RAB26: variants seen among roughly 807,000 people sequenced by gnomAD.
The protein encoded by RAB26 is ras-related protein Rab-26.
RAB26 carries 39 observed loss-of-function variants against 33.1 expected under a neutral mutation model. That is an observed-to-expected ratio of 1.18 (90% CI 0.91 to 1.54). The LOEUF (loss-of-function observed/expected upper bound fraction) is 1.54, where lower values mean the gene tolerates loss of function less well. Ranked by LOEUF, RAB26 falls within the 40% of genes most tolerant of loss-of-function variation. RAB26 has a pLI of 0.00. For synonymous variants in RAB26, 192 were observed against 151.9 expected (o/e 1.26, Z -1.94); for missense variants, 468 against 362.9 (o/e 1.29, Z -2.35).
chr16:2,148,652 C>CGCT lies in RAB26; in HGVS notation c.-130_-129insTGC. The stretch of plus-strand genomic sequence containing the variant: ...GCGAGCCGGGCGCCCGGGATGATGC[C>CGCT]GCCGCCGCCGCCGCCGCCGCCGCCG... On this transcript the variant is annotated 5_prime_UTR_variant, in exon 1 of 9. Coordinates refer to ENST00000210187, the MANE Select transcript of RAB26 (RefSeq NM_014353.5). The CGCT allele has an allele frequency of 1.6e-6, 1 of 640,462 alleles. No homozygotes were observed. The highest frequency in any genetic ancestry group is 1.9e-6 in the Non-Finnish European group (1 of 513,062). 39.7% of individuals were successfully genotyped at this position (640,462 alleles called of 1,614,324 possible).
intron 1 of RAB26, among the ~76,000 whole-genome samples, 156 bp from the exon 2 acceptor site, chr16:2,149,785 C>A (rs997666635): frequency 2.6e-5 from 4 of 152,216 alleles, no homozygotes; most frequent in Non-Finnish European, 5.9e-5. Flanking sequence ...CTTTCAGAGG[C>A]ATACGCTGGG....
At position 2,148,652 on chromosome 16, in the gene RAB26, C is replaced by A; in HGVS notation, c.-132C>A. On this transcript the variant is annotated 5_prime_UTR_variant, in exon 1 of 9. Transcript: ENST00000210187. ...GCGAGCCGGGCGCCCGGGATGATGC[C>A]GCCGCCGCCGCCGCCGCCGCCGCCG... 1.6e-6 allele frequency: 1 copy of A among 640,462 alleles called. No homozygotes were observed. 39.7% of individuals were successfully genotyped at this position (640,462 alleles called of 1,614,324 possible). A position where few individuals can be genotyped will look rare whatever the true frequency, so the allele number is the denominator to read the frequency against.
chr16:2,152,529 G>C (rs987340515), intron 5 of RAB26, among the ~76,000 whole-genome samples: 2 of 151,742 alleles, frequency 1.3e-5, no homozygotes, highest in African/African-American at 4.8e-5. Context: ...AAATTAGCTG[G>C]GCGTGGTGGT....
rs954148472 is a variant in RAB26 at position 2,148,963 on chromosome 16, C to T, written c.180C>T (p.Tyr60=). 7.0e-6 allele frequency: 9 copies of T among 1,279,150 alleles called. No homozygotes were observed. The African/African-American group carries it at 1.4e-4, about 20-fold the overall frequency. The allele number at this position is 1,279,150 out of a possible 1,614,324, so 79.2% of individuals were successfully genotyped here. A position where few individuals can be genotyped will look rare whatever the true frequency, so the allele number is the denominator to read the frequency against. The change falls in exon 1 of 9, where the codon TAC becomes TAT. Residue 60 remains tyrosine (Y), a synonymous_variant. Coordinates refer to ENST00000210187, the MANE Select transcript of RAB26 (RefSeq NM_014353.5). ...CGCTTGGCGGCGGTGTCGACTTCTA[C>T]GACGTCGCCTTCAAGGTGAGCCAGG... is the stretch of plus-strand genomic sequence containing the variant. ...RPSLGGGVDF[Y]DVAFKVMLVG... is the part of the protein sequence containing the mutation.
Position 2,151,610 on chromosome 16 carries a change from G to T in RAB26, c.348G>T (p.Gln116His). The T allele has an allele frequency of 6.2e-7, 1 of 1,614,056 alleles. No individual in the cohort carries two copies. The highest frequency in any genetic ancestry group is 2.2e-5 in the East Asian group (1 of 44,892). Residue 116 changes from glutamine (Q) to histidine (H), a missense_variant and splice_region_variant, in exon 3 of 9, where the codon CAG becomes CAT. Physicochemically the swap from Gln to His is conservative, Grantham distance 24 (BLOSUM62 0). Transcript: ENST00000210187. Reference protein sequence around the residue: ...LDVDGVKVKLQMWDTAGQERF... With the variant: ...LDVDGVKVKLHMWDTAGQERF... ...TGGATGGTGTGAAGGTGAAGCTGCA[G>T]GTAAGGTGACTGGCAGAGGACAAGT...
chr16:2,153,015 G>T lies in RAB26; in HGVS notation c.561G>T (p.Val187=). The part of the protein sequence containing the change: ...NKVDSAHERV[V]KREDGEKLAK... ...TGGACTCTGCCCATGAGCGTGTGGT[G>T]AAGAGGGAGGACGGGGAGAAGCTGG... The change falls in exon 7 of 9, where the codon GTG becomes GTT. Residue 187 remains valine (V), a synonymous_variant. Coordinates refer to ENST00000210187, the MANE Select transcript of RAB26 (RefSeq NM_014353.5). 1.9e-6 allele frequency: 3 copies of T among 1,600,164 alleles called. No homozygotes were observed. The highest frequency in any genetic ancestry group is 2.6e-6 in the Non-Finnish European group (3 of 1,170,968).
rs778039492 is a variant in RAB26, at chr16:2,153,241, C to G, written c.668+19C>G. ...TAGCAAAGTAAGTCCTGCCAGTCAC[C>G]AGGACTCCCCCAGCCCAGGGCCTGA... On this transcript the variant is annotated intron_variant, in intron 8 of 8. Transcript: ENST00000210187. 1 of 1,613,728 alleles carries G rather than the reference C, an allele frequency of 6.2e-7. No individual in the cohort carries two copies. Among genetic ancestry groups the G allele is most frequent in the South Asian group, 1.1e-5 (1 of 91,084 alleles).
At chr16:2,153,255 C>T in intron 8 of RAB26, 33 bp downstream of exon 8, 1 of 1,613,484 alleles carries the variant, frequency 6.2e-7, no homozygotes, top group East Asian at 2.2e-5. Context: ...ACTCCCCCAG[C>T]CCAGGGCCTG....
rs1007618064 is a variant in RAB26 at position 2,151,990 on chromosome 16, G to A, written c.468+82G>A. 176 of 1,561,546 alleles carry A rather than the reference G, an allele frequency of 1.1e-4. 1 individual carries two copies. In the East Asian group the frequency reaches 3.9e-3, roughly 35 times the overall value. On this transcript the variant is annotated intron_variant, in intron 5 of 8. Transcript: ENST00000210187. ...CCTCCTTCTGGTAGATGGCATCAGG[G>A]TTCCAAAGGACCCCGCTGAGAGAGG...
chr16:2,150,777 C>T (rs374670680), intron 2 of RAB26, among the ~76,000 whole-genome samples: 6 of 152,222 alleles, frequency 3.9e-5, no homozygotes, highest in Non-Finnish European at 7.3e-5. Flanking sequence ...TTCGCACTCT[C>T]GTTCAGGGTG....
At chr16:2,152,739 A>T in intron 5 of RAB26, 81 bp from the exon 6 acceptor site, 1 of 1,090,770 alleles carries the variant, frequency 9.2e-7, no homozygotes, top group Non-Finnish European at 1.3e-6. Flanking sequence ...TGCCCTCTAC[A>T]GTGTGACCTG....
intron 4 of RAB26, 34 bp from the exon 5 acceptor site, chr16:2,151,822 G>C (rs937997452): frequency 6.2e-7 from 1 of 1,613,924 alleles, no homozygotes. Context: ...GGGTGCAGGT[G>C]ATGGTGGATG....
At chr16:2,151,399 G>A (rs2093004530) in intron 2 of RAB26, 170 bp from the exon 3 acceptor site, 2 of 793,674 alleles carry the variant, frequency 2.5e-6, no homozygotes, top group African/African-American at 1.7e-5. Flanking sequence ...TGCCGGGAGA[G>A]GCCTGCACTT....
chr16:2,151,591 G>T lies in RAB26; in HGVS notation c.329G>T (p.Gly110Val), dbSNP rs201978830. 17 of 1,613,902 alleles carry T rather than the reference G, an allele frequency of 1.1e-5. No individual in the cohort carries two copies. Among genetic ancestry groups the T allele is most frequent in the Non-Finnish European group, 1.3e-5 (15 of 1,180,050 alleles). The change falls in exon 3 of 9, where the codon GGT (glycine) becomes GTT (valine). Residue 110 changes from glycine (G) to valine (V), a missense_variant. Coordinates refer to ENST00000210187, the MANE Select transcript of RAB26 (RefSeq NM_014353.5). ...CAGAACAAAGTTCTGGACGTGGATG[G>T]TGTGAAGGTGAAGCTGCAGGTAAGG... Reference protein sequence around the residue: ...DFRNKVLDVDGVKVKLQMWDT... With the variant: ...DFRNKVLDVDVVKVKLQMWDT...
chr16:2,153,591 A>AAGCAGGC lies in RAB26; in HGVS notation c.*171_*177dup. Reference sequence around the variant, plus strand: ...TCCTCCTCCCAGCAACAGTCCCAACAAGCAGGCTTCTGAGAGCCCGTGGCC... The same window carrying AAGCAGGC: ...TCCTCCTCCCAGCAACAGTCCCAACAAGCAGGCAGCAGGCTTCTGAGAGCCCGTGGCC... On this transcript the variant is annotated 3_prime_UTR_variant, in exon 9 of 9. Transcript: ENST00000210187. 1.5e-6 allele frequency: 1 copy of AAGCAGGC among 680,490 alleles called. No homozygotes were observed. Among genetic ancestry groups the AAGCAGGC allele is most frequent in the Non-Finnish European group, 2.6e-6 (1 of 389,154 alleles). 42.2% of individuals were successfully genotyped at this position (680,490 alleles called of 1,614,324 possible).
chr16:2,151,347 T>C, intron 2 of RAB26: 1 of 633,322 alleles, frequency 1.6e-6, no homozygotes, highest in South Asian at 1.8e-5. Flanking sequence ...TGAGTTCAAA[T>C]AAGTCAGCGT....
In RAB26 at chr16:2,148,737, C is replaced by T; in HGVS notation, c.-47C>T. 7.1e-6 allele frequency: 9 copies of T among 1,259,244 alleles called. No individual in the cohort carries two copies. Among genetic ancestry groups the T allele is most frequent in the Non-Finnish European group, 9.0e-6 (9 of 1,005,052 alleles). The allele number at this position is 1,259,244 out of a possible 1,614,324, so 78.0% of individuals were successfully genotyped here. On this transcript the variant is annotated 5_prime_UTR_variant, in exon 1 of 9. Transcript: ENST00000210187. Reference sequence around the variant, plus strand: ...CGGCGGGCGCGGGGTGCGGGACGGCCCAGGGCACGGCGGCTGCAGCGGGAG... The same window carrying T: ...CGGCGGGCGCGGGGTGCGGGACGGCTCAGGGCACGGCGGCTGCAGCGGGAG...
At chr16:2,149,277 C>G (rs1034167934) in intron 1 of RAB26, among the ~76,000 whole-genome samples, 2 of 151,964 alleles carry the variant, frequency 1.3e-5, no homozygotes, top group Admixed American at 6.5e-5. Context: ...CGTATGCTGC[C>G]CTCCCTCAAC....
Position 2,153,333 on chromosome 16 carries a change from G to A in RAB26, c.683G>A (p.Arg228His), listed in dbSNP as rs149402189. 2.0e-3 allele frequency: 3,182 copies of A among 1,613,506 alleles called. 4 individuals are homozygous for A. Among genetic ancestry groups the A allele is most frequent in the Non-Finnish European group, 2.3e-3 (2,663 of 1,180,004 alleles). Reference sequence around the variant, plus strand: ...CCACTCCGCAGGGAGTTGAAGCAGCGCTCCATGAAGGCTCCCAGCGAGCCG... The same window carrying A: ...CCACTCCGCAGGGAGTTGAAGCAGCACTCCATGAAGGCTCCCAGCGAGCCG... ...FTAIAKELKQ[R>H]SMKAPSEPRF... is the part of the protein sequence containing the mutation. Residue 228 changes from arginine to histidine, a missense_variant, in exon 9 of 9, where the codon CGC (arginine) becomes CAC (histidine). Coordinates refer to ENST00000210187, the MANE Select transcript of RAB26 (RefSeq NM_014353.5).
Sources: gnomAD v4.1 joint callset for allele counts (sites outside exome capture counted in the v4.1 genomes callset) on GRCh38, gnomAD v4.1.1 for gene constraint, MANE v1.5 for transcripts, NCBI Gene and HGNC (gene_info 2026-07-23, HGNC 2026-07-21) for gene names.